GLS: variants seen among roughly 807,000 people sequenced by gnomAD.
GLS encodes glutaminase kidney isoform, mitochondrial.
In GLS, 36 loss-of-function variants were observed where a neutral mutation model predicts 86.7. That is an observed-to-expected ratio of 0.42 (90% CI 0.32 to 0.55). GLS has a LOEUF of 0.55. GLS is among the 20% of genes least tolerant of loss of function. The pLI is 0.17. For synonymous variants in GLS, 317 were observed against 305.9 expected (o/e 1.04, Z -0.38); for missense variants, 528 against 833.4 (o/e 0.63, Z 4.51).
chr2:190,924,673 T>G lies in GLS; in HGVS notation c.1248+80T>G, dbSNP rs542662261. ...GGCTCACGCCTGTAATCCCAGCACT[T>G]TGGGAGGCCAGGGCAGGTGGATCAT... On this transcript the variant is annotated intron_variant, in intron 11 of 17. Coordinates refer to ENST00000320717, the MANE Select transcript of GLS (RefSeq NM_014905.5). The surrounding 1 kb of genome is among the most constrained non-coding windows in gnomAD (Gnocchi z 5.2). 167 of 787,608 alleles carry G rather than the reference T, an allele frequency of 2.1e-4. 1 individual carries two copies. The highest frequency in any genetic ancestry group is 3.3e-4 in the Non-Finnish European group (146 of 441,958). 48.8% of individuals were successfully genotyped at this position (787,608 alleles called of 1,614,324 possible).
chr2:190,910,218 G>A, intron 6 of GLS, 45 bp from the exon 7 acceptor site: 4 of 1,067,660 alleles, frequency 3.7e-6, no homozygotes, highest in Non-Finnish European at 5.7e-6. Flanking sequence ...TATTACTCAA[G>A]TGTTTAAGTA....
In GLS at chr2:190,880,848, G is replaced by A. The variant is rs997455524; in HGVS notation, c.-237G>A. The A allele has an allele frequency of 1.4e-5, 11 of 808,226 alleles. 1 individual carries two copies. The highest frequency in any genetic ancestry group is 6.3e-5 in the Admixed American group (3 of 47,710). 50.1% of individuals were successfully genotyped at this position (808,226 alleles called of 1,614,324 possible). A position where few individuals can be genotyped will look rare whatever the true frequency, so the allele number is the denominator to read the frequency against. Reference sequence around the variant, plus strand: ...TGCGGAGCCTTAGGCGGAGCGAAGAGAACCGGTCGCGGCAATCCTAGCGCG... The same window carrying A: ...TGCGGAGCCTTAGGCGGAGCGAAGAAAACCGGTCGCGGCAATCCTAGCGCG... On this transcript the variant is annotated 5_prime_UTR_variant, in exon 1 of 18. Transcript: ENST00000320717.
In GLS at chr2:190,895,290, T is replaced by A; in HGVS notation, c.483+42T>A. 1.3e-6 allele frequency: 1 copy of A among 773,124 alleles called. No homozygotes were observed. The highest frequency in any genetic ancestry group is 1.6e-5 in the South Asian group (1 of 61,166). 47.9% of individuals were successfully genotyped at this position (773,124 alleles called of 1,614,324 possible). Reference sequence around the variant, plus strand: ...TTCTATCTTAACTTAAAAAAATCAATAATAATAAATATATACAGTATTATT... The same window carrying A: ...TTCTATCTTAACTTAAAAAAATCAAAAATAATAAATATATACAGTATTATT... On this transcript the variant is annotated intron_variant, in intron 2 of 17. Coordinates refer to ENST00000320717, the MANE Select transcript of GLS (RefSeq NM_014905.5). The surrounding 1 kb of genome is among the most constrained non-coding windows in gnomAD (Gnocchi z 4.2).
intron 1 of GLS, among the ~76,000 whole-genome samples, chr2:190,892,571 A>G (rs1291447921): frequency 6.6e-6 from 1 of 152,174 alleles, no homozygotes; most frequent in South Asian, 2.1e-4. Context: ...TGAAAAATAC[A>G]TTATTGTGAA....
Position 190,963,219 on chromosome 2 carries a change from T to G in GLS, c.*233T>G, listed in dbSNP as rs1691044337. On this transcript the variant is annotated 3_prime_UTR_variant, in exon 18 of 18. Coordinates refer to ENST00000320717, the MANE Select transcript of GLS (RefSeq NM_014905.5). ...AATATTACCTCGTGCATTGTATAAT[T>G]TGATGTAAAAGAAATAGTTACCAAT... 1 of 357,482 alleles carries G rather than the reference T, an allele frequency of 2.8e-6. No homozygotes were observed. Among genetic ancestry groups the G allele is most frequent in the South Asian group, 5.0e-5 (1 of 20,100 alleles). 22.1% of individuals were successfully genotyped at this position (357,482 alleles called of 1,614,324 possible).
intron 3 of GLS, chr2:190,896,557 G>A (rs1688748990): frequency 6.6e-6 from 1 of 152,094 alleles, no homozygotes; most frequent in Admixed American, 6.5e-5. Context: ...ATTTACTTTT[G>A]TTTTATCTTC....
At chr2:190,881,647 T>G (rs1029945648) in intron 1 of GLS, 177 bp downstream of exon 1, 10 of 560,360 alleles carry the variant, frequency 1.8e-5, no homozygotes, top group Middle Eastern at 5.2e-4. Flanking sequence ...CGCCCGCGCC[T>G]TCCCCGCCCG....
At chr2:190,941,944 A>T (rs116282321) in intron 14 of GLS, among the ~76,000 whole-genome samples, 186 of 151,836 alleles carry the variant, frequency 1.2e-3, no homozygotes, top group African/African-American at 4.3e-3. Flanking sequence ...TTTAATGTGC[A>T]CCCCAGGTGC....
chr2:190,881,305 G>A lies in GLS; in HGVS notation c.221G>A (p.Ser74Asn). The A allele has an allele frequency of 6.7e-7, 1 of 1,495,176 alleles. No individual in the cohort carries two copies. 92.6% of individuals were successfully genotyped at this position (1,495,176 alleles called of 1,614,324 possible). Residue 74 changes from serine (S) to asparagine (N), a missense_variant, in exon 1 of 18, where the codon AGC (serine) becomes AAC (asparagine). Physicochemically the swap from Ser to Asn is conservative, Grantham distance 46 (BLOSUM62 1). Transcript: ENST00000320717. Reference sequence around the variant, plus strand: ...GAGCCCCTCGCGCGGGGCCTGTCCAGCTCTCCTTCGGAGATCTTGCAGGAG... The same window carrying A: ...GAGCCCCTCGCGCGGGGCCTGTCCAACTCTCCTTCGGAGATCTTGCAGGAG... ...PAEPLARGLSSSPSEILQELG... is the reference protein window; with the variant it reads ...PAEPLARGLSNSPSEILQELG...
intron 14 of GLS, among the ~76,000 whole-genome samples, chr2:190,939,281 G>A (rs1483396340): frequency 2.0e-5 from 3 of 151,594 alleles, no homozygotes; most frequent in African/African-American, 7.2e-5. Flanking sequence ...AGGACTGTGT[G>A]TATTGAGTTC....
At chr2:190,926,763 T>C (rs1319775935) in intron 11 of GLS, among the ~76,000 whole-genome samples, 2 of 152,186 alleles carry the variant, frequency 1.3e-5, no homozygotes, top group Non-Finnish European at 2.9e-5. Flanking sequence ...CTGAGACAGA[T>C]CTGCTTTATA....
intron 7 of GLS, among the ~76,000 whole-genome samples, chr2:190,918,436 T>C (rs538046671): frequency 1.3e-5 from 2 of 152,280 alleles, no homozygotes; most frequent in East Asian, 3.9e-4. Context: ...TCAGCCTTTA[T>C]AGAATTGAAG....
intron 14 of GLS, among the ~76,000 whole-genome samples, chr2:190,950,371 G>A (rs1251953580): frequency 1.3e-5 from 2 of 152,308 alleles, no homozygotes; most frequent in East Asian, 3.9e-4. Flanking sequence ...TGGCAGCAGA[G>A]GTGATAAGGT....
intron 6 of GLS, among the ~76,000 whole-genome samples, chr2:190,907,713 C>T (rs1408448792): frequency 1.3e-5 from 2 of 152,140 alleles, no homozygotes; most frequent in Admixed American, 1.3e-4. Flanking sequence ...TTGTAGTGAT[C>T]GGGTTAATCA....
At chr2:190,906,652 C>T (rs1179136483) in intron 6 of GLS, among the ~76,000 whole-genome samples, 2 of 152,126 alleles carry the variant, frequency 1.3e-5, no homozygotes, top group African/African-American at 4.8e-5. Context: ...ATACAGGCTT[C>T]ACTATATTAC....
At position 190,920,940 on chromosome 2, in the gene GLS, T is replaced by C; in HGVS notation, c.1039-84T>C. The stretch of plus-strand genomic sequence containing the variant: ...ATACTAATGCAGTATATTATAATAG[T>C]AGCTTTGAAATTTTGATATTGGCTT... On this transcript the variant is annotated intron_variant, in intron 7 of 17. Transcript: ENST00000320717. The surrounding 1 kb of genome is among the most constrained non-coding windows in gnomAD (Gnocchi z 4.2). 1.4e-6 allele frequency: 1 copy of C among 717,082 alleles called. No homozygotes were observed. Among genetic ancestry groups the C allele is most frequent in the South Asian group, 1.6e-5 (1 of 63,334 alleles). The allele number at this position is 717,082 out of a possible 1,614,324, so 44.4% of individuals were successfully genotyped here. A position where few individuals can be genotyped will look rare whatever the true frequency, so the allele number is the denominator to read the frequency against.
In GLS at chr2:190,881,360, CG is replaced by C; in HGVS notation, c.280del (p.Val94CysfsTer38). ...GCAAGGGGAGCACGCATCCGCAGCC[CG>C]GGGTGTCGCCACCCGCTGCCCCGGC... ...LGKGSTHPQP[G>X]VSPPAAPAAP... On this transcript the variant is annotated frameshift_variant, in exon 1 of 18. Transcript: ENST00000320717. LOFTEE classifies it high-confidence loss of function. 2 of 1,538,994 alleles carry C rather than the reference CG, an allele frequency of 1.3e-6. No individual in the cohort carries two copies. Among genetic ancestry groups the C allele is most frequent in the Non-Finnish European group, 1.8e-6 (2 of 1,142,464 alleles).
rs1301458757 is a variant in GLS, at chr2:190,963,042, A to G, written c.*56A>G. The G allele has an allele frequency of 3.3e-6, 4 of 1,218,598 alleles. No individual in the cohort carries two copies. The highest frequency in any genetic ancestry group is 4.7e-6 in the Non-Finnish European group (4 of 858,300). The allele number at this position is 1,218,598 out of a possible 1,614,324, so 75.5% of individuals were successfully genotyped here. On this transcript the variant is annotated 3_prime_UTR_variant, in exon 18 of 18. Coordinates refer to ENST00000320717, the MANE Select transcript of GLS (RefSeq NM_014905.5). ...ACCTATTTAATTGTGGAAAATGATTATGAAGAACATGTGTATTTCTATCTG... is the reference window on the plus strand; with the variant it reads ...ACCTATTTAATTGTGGAAAATGATTGTGAAGAACATGTGTATTTCTATCTG...
At chr2:190,931,413 C>G (rs1387695427) in intron 13 of GLS, 132 bp from the exon 14 acceptor site, 4 of 424,424 alleles carry the variant, frequency 9.4e-6, no homozygotes, top group African/African-American at 6.2e-5. Context: ...CTTCTTGATG[C>G]ATTATACTAC....
Sources: gnomAD v4.1 joint callset for allele counts (sites outside exome capture counted in the v4.1 genomes callset) on GRCh38, gnomAD v4.1.1 for gene constraint, Gnocchi (gnomAD v3.1) non-coding constraint, MANE v1.5 for transcripts, NCBI Gene and HGNC (gene_info 2026-07-23, HGNC 2026-07-21) for gene names.